WDR70: variants seen among roughly 807,000 people sequenced by gnomAD.
WDR70 encodes WD repeat domain 70.
WDR70 carries 53 observed loss-of-function variants against 88.6 expected under a neutral mutation model. That is an observed-to-expected ratio of 0.60 (90% CI 0.48 to 0.75). WDR70 has a LOEUF of 0.75. Among genes scored for constraint, WDR70 ranks in the 30% least tolerant of loss-of-function variants. The pLI is 0.00. For synonymous variants in WDR70, 280 were observed against 270.0 expected (o/e 1.04, Z -0.36); for missense variants, 610 against 823.2 (o/e 0.74, Z 3.17).
chr5:37,667,607 A>G (rs1028333102), intron 10 of WDR70, among the ~76,000 whole-genome samples: 1 of 152,180 alleles, frequency 6.6e-6, no homozygotes, highest in African/African-American at 2.4e-5. Context: ...TTTTTTATAA[A>G]TAAAGTTTTG....
rs919418679 is a variant in WDR70 at position 37,682,360 on chromosome 5, T to C, written c.1093-15295T>C. ...CTAGCTAGTGGTCTATTAATTTTTT[T>C]CAAAAAACCAACTCTTAGATTCATT... On this transcript the variant is annotated intron_variant, in intron 10 of 17. Transcript: ENST00000265107. 5.9e-5 allele frequency among the ~76,000 whole-genome samples: 9 copies of C among 152,134 alleles called. No individual in the cohort carries two copies. In the South Asian group the frequency reaches 6.2e-4, roughly 10 times the overall value.
At chr5:37,403,624 T>G (rs1228029319) in intron 5 of WDR70, among the ~76,000 whole-genome samples, 2 of 152,198 alleles carry the variant, frequency 1.3e-5, no homozygotes, top group African/African-American at 2.4e-5. Context: ...TTTCACATAG[T>G]GGAGTGGCTA....
chr5:37,604,139 T>C (rs1376453712), intron 9 of WDR70, among the ~76,000 whole-genome samples: 2 of 152,002 alleles, frequency 1.3e-5, no homozygotes, highest in Non-Finnish European at 2.9e-5. Flanking sequence ...AGATTTCCAC[T>C]TTTGTCATAT....
intron 9 of WDR70, among the ~76,000 whole-genome samples, chr5:37,594,453 T>C (rs1184590690): frequency 1.3e-5 from 2 of 152,198 alleles, no homozygotes; most frequent in African/African-American, 4.8e-5. Flanking sequence ...CAGATGGTTG[T>C]AGATGTGTGG....
At chr5:37,699,849 G>A (rs920787143) in intron 11 of WDR70, among the ~76,000 whole-genome samples, 1 of 151,898 alleles carries the variant, frequency 6.6e-6, no homozygotes, top group African/African-American at 2.4e-5. Context: ...TCGGGAGGCT[G>A]AGGCAGGAGA....
intron 17 of WDR70, 114 bp downstream of exon 17, chr5:37,727,159 A>T: frequency 7.5e-7 from 1 of 1,326,432 alleles, no homozygotes; most frequent in African/African-American, 1.5e-5. Context: ...ATACTTAGAT[A>T]TGAAAAATAG....
At chr5:37,625,828 C>T (rs190613624) in intron 10 of WDR70, among the ~76,000 whole-genome samples, 49 of 152,214 alleles carry the variant, frequency 3.2e-4, no homozygotes, top group Non-Finnish European at 6.6e-4. Flanking sequence ...CTCTCCCAGC[C>T]TGCCCATATT....
intron 10 of WDR70, among the ~76,000 whole-genome samples, chr5:37,678,517 C>G (rs1444393126): frequency 6.6e-6 from 1 of 152,136 alleles, no homozygotes; most frequent in Non-Finnish European, 1.5e-5. Context: ...ATATGAAATT[C>G]TGGGTTGAAA....
intron 9 of WDR70, among the ~76,000 whole-genome samples, chr5:37,523,593 G>A (rs1487452495): frequency 2.6e-5 from 4 of 152,222 alleles, no homozygotes; most frequent in African/African-American, 9.6e-5. Context: ...CCAAAGGAAT[G>A]CAGCTCTTCA....
rs62360216 is a variant in WDR70 at position 37,414,850 on chromosome 5, T to C, written c.492+18280T>C. Among the ~76,000 whole-genome samples, 533 of 150,600 alleles carry C rather than the reference T, an allele frequency of 3.5e-3. 2 individuals carry two copies. Among genetic ancestry groups the C allele is most frequent in the Non-Finnish European group, 5.7e-3 (389 of 67,834 alleles). Reference sequence around the variant, plus strand: ...CGCAGAGGGGGATTTGGCAGGGTCATAGGACAATAGTGGAGGGAAGGTCAG... The same window carrying C: ...CGCAGAGGGGGATTTGGCAGGGTCACAGGACAATAGTGGAGGGAAGGTCAG... On this transcript the variant is annotated intron_variant, in intron 5 of 17. Transcript: ENST00000265107.
chr5:37,482,289 A>T (rs1413233990), intron 8 of WDR70, among the ~76,000 whole-genome samples: 4 of 152,098 alleles, frequency 2.6e-5, no homozygotes, highest in African/African-American at 9.7e-5. Flanking sequence ...GTCTGTTCTC[A>T]CACTGCAAAT....
intron 6 of WDR70, among the ~76,000 whole-genome samples, chr5:37,438,664 A>G (rs184000655): frequency 7.5e-4 from 114 of 152,274 alleles, no homozygotes; most frequent in Non-Finnish European, 1.3e-3. Flanking sequence ...AAGAAAATAC[A>G]TCCCATAATA....
At chr5:37,557,957 A>ACTCTTTTGAAAACTCTTCAAGAGTACTC in intron 9 of WDR70, among the ~76,000 whole-genome samples, 45 of 139,248 alleles carry the variant, frequency 3.2e-4, no homozygotes, top group Non-Finnish European at 4.6e-4. Context: ...TCAAAAGAGT[A>ACTCTTTTGAAAACTCTTCAAGAGTACTC]TTATGTATAT....
intron 9 of WDR70, among the ~76,000 whole-genome samples, chr5:37,546,047 A>G (rs899068996): frequency 6.6e-6 from 1 of 152,218 alleles, no homozygotes; most frequent in African/African-American, 2.4e-5. Context: ...AATATAAGAT[A>G]ATAAAATATT....
At chr5:37,505,611 A>G in intron 8 of WDR70, 1 of 741,196 alleles carries the variant, frequency 1.3e-6, no homozygotes. Flanking sequence ...TCTTCTAGAC[A>G]ACTGAGTGGG....
intron 5 of WDR70, among the ~76,000 whole-genome samples, chr5:37,424,775 A>G (rs1373059259): frequency 6.6e-6 from 1 of 152,060 alleles, no homozygotes; most frequent in Non-Finnish European, 1.5e-5. Flanking sequence ...TTAACATTTT[A>G]TTTGTTTTAT....
intron 17 of WDR70, among the ~76,000 whole-genome samples, chr5:37,728,580 A>T (rs142017280): frequency 1.3e-5 from 2 of 151,790 alleles, no homozygotes; most frequent in African/African-American, 4.8e-5. Context: ...ATATTTTCTT[A>T]TATTTGGAAT....
intron 9 of WDR70, among the ~76,000 whole-genome samples, chr5:37,586,133 G>C (rs192318202): frequency 6.6e-6 from 1 of 151,968 alleles, no homozygotes; most frequent in Non-Finnish European, 1.5e-5. Context: ...CCCCATTCTG[G>C]CATCCTCAAT....
chr5:37,597,741 T>TGCTGG (rs1207003960), intron 9 of WDR70, among the ~76,000 whole-genome samples: 1 of 152,224 alleles, frequency 6.6e-6, no homozygotes, highest in Admixed American at 6.5e-5. Context: ...GCCAAGCAGA[T>TGCTGG]GCTGGCACCA....
Sources: gnomAD v4.1 joint callset for allele counts (sites outside exome capture counted in the v4.1 genomes callset) on GRCh38, gnomAD v4.1.1 for gene constraint, MANE v1.5 for transcripts, NCBI Gene and HGNC (gene_info 2026-07-23, HGNC 2026-07-21) for gene names.